Variants in NAV1 observed in about 807,000 individuals in gnomAD.
NAV1 encodes the protein neuron navigator 1.
NAV1 carries 18 observed loss-of-function variants against 175.2 expected under a neutral mutation model. That is an observed-to-expected ratio of 0.10 (90% CI 0.07 to 0.15). The LOEUF (loss-of-function observed/expected upper bound fraction) is 0.15, where lower values mean the gene tolerates loss of function less well. Ranked by LOEUF, NAV1 falls within the 10% of genes least tolerant of loss-of-function variation. The pLI is 1.00. For synonymous variants in NAV1, 897 were observed against 978.7 expected (o/e 0.92, Z 1.56); for missense variants, 1,731 against 2,436.6 (o/e 0.71, Z 6.10).
intron 3 of NAV1, among the ~76,000 whole-genome samples, chr1:201,770,127 G>T (rs1675478897): frequency 6.6e-6 from 1 of 152,214 alleles, no homozygotes; most frequent in Non-Finnish European, 1.5e-5. Context: ...GGAGCAGACG[G>T]TGTGAGAGAA....
chr1:201,652,957 A>G (rs144826888), intron 1 of NAV1, among the ~76,000 whole-genome samples: 3 of 152,328 alleles, frequency 2.0e-5, no homozygotes, highest in African/African-American at 7.2e-5. Flanking sequence ...ATATTCACCT[A>G]CAGTTAAGCA....
At chr1:201,658,767 G>A (rs1471626779) in intron 1 of NAV1, among the ~76,000 whole-genome samples, 1 of 152,198 alleles carries the variant, frequency 6.6e-6, no homozygotes, top group African/African-American at 2.4e-5. Context: ...GCCAGCCAGG[G>A]CCTCTCAAGT....
intron 2 of NAV1, among the ~76,000 whole-genome samples, chr1:201,604,417 G>A (rs1283166427): frequency 2.6e-5 from 4 of 152,098 alleles, no homozygotes; most frequent in South Asian, 2.1e-4. Flanking sequence ...AACGGCTCAC[G>A]CCTGTAATCC....
At chr1:201,775,292 C>T (rs1433633836) in intron 3 of NAV1, among the ~76,000 whole-genome samples, 6 of 152,166 alleles carry the variant, frequency 3.9e-5, no homozygotes, top group Non-Finnish European at 5.9e-5. Flanking sequence ...TAAAACTTTG[C>T]ATATTGAATG....
intron 1 of NAV1, among the ~76,000 whole-genome samples, chr1:201,707,706 C>G (rs1260882703): frequency 6.6e-6 from 1 of 152,208 alleles, no homozygotes; most frequent in East Asian, 1.9e-4. Flanking sequence ...ACAGTGCACC[C>G]TGGGCTGTCC....
chr1:201,810,915 C>G lies in NAV1; in HGVS notation c.4797+157C>G, dbSNP rs1041852929. Reference sequence around the variant, plus strand: ...TCATTTCCTTCCCTCTCTATCTATCCCCTTTTCCAGTCTTCTCCTTTCCCT... The same window carrying G: ...TCATTTCCTTCCCTCTCTATCTATCGCCTTTTCCAGTCTTCTCCTTTCCCT... On this transcript the variant is annotated intron_variant, in intron 24 of 29. Transcript: ENST00000367296. The surrounding 1 kb of genome is among the most constrained non-coding windows in gnomAD (Gnocchi z 6.0). 6.6e-6 allele frequency among the ~76,000 whole-genome samples: 1 copy of G among 152,066 alleles called. No homozygotes were observed. Among genetic ancestry groups the G allele is most frequent in the Non-Finnish European group, 1.5e-5 (1 of 68,016 alleles).
intron 1 of NAV1, among the ~76,000 whole-genome samples, chr1:201,653,734 C>T (rs538056307): frequency 3.3e-5 from 5 of 152,188 alleles, no homozygotes; most frequent in African/African-American, 1.2e-4. Flanking sequence ...AGAGTGAGGA[C>T]AAAGCTCACT....
intron 3 of NAV1, among the ~76,000 whole-genome samples, chr1:201,767,267 GT>G (rs1675265451): frequency 6.7e-6 from 1 of 148,574 alleles, no homozygotes; most frequent in Admixed American, 6.7e-5. Context: ...CCTGGCCAAT[GT>G]GGTGAAACCC....
chr1:201,755,447 GGAGGAGGAGGAGGAAGAAGAGAAA>G lies in NAV1; in HGVS notation c.1227-24965_1227-24942del, dbSNP rs538766680. Among the ~76,000 whole-genome samples the G allele has an allele frequency of 3.6e-4, 54 of 151,890 alleles. No homozygotes were observed. The East Asian group carries it at 0.01, about 29-fold the overall frequency. Reference sequence around the variant, plus strand: ...AAAAAAAAGAAGAAAGAGAAGAAGAGGAGGAGGAGGAGGAAGAAGAGAAAGAGGAGGAAGAGGAAGAAGATATAC... The same window carrying G: ...AAAAAAAAGAAGAAAGAGAAGAAGAGGAGGAGGAAGAGGAAGAAGATATAC... On this transcript the variant is annotated intron_variant, in intron 3 of 29. Transcript: ENST00000367296.
chr1:201,542,240 A>G (rs1039039907), intron 1 of NAV1, among the ~76,000 whole-genome samples: 3 of 152,102 alleles, frequency 2.0e-5, no homozygotes, highest in Non-Finnish European at 4.4e-5. Context: ...TTTCCATCTC[A>G]GCAGATGTTA....
At chr1:201,585,739 T>C (rs1385312740) in intron 1 of NAV1, among the ~76,000 whole-genome samples, 2 of 152,054 alleles carry the variant, frequency 1.3e-5, no homozygotes, top group Non-Finnish European at 2.9e-5. Context: ...TATTAAGAAA[T>C]GCAAATCAAA....
chr1:201,551,841 A>C (rs1571816524), intron 1 of NAV1, among the ~76,000 whole-genome samples: 1 of 151,304 alleles, frequency 6.6e-6, no homozygotes, highest in African/African-American at 2.4e-5. Flanking sequence ...ACCCATTAAA[A>C]CTCCTCTGCT....
At chr1:201,800,302 CTTTAT>C (rs1677769492) in intron 15 of NAV1, among the ~76,000 whole-genome samples, 1 of 152,192 alleles carries the variant, frequency 6.6e-6, no homozygotes. Context: ...CACCCAGCCC[CTTTAT>C]TTTATTTTTA....
chr1:201,800,686 AG>A (rs1407502454), intron 15 of NAV1, among the ~76,000 whole-genome samples: 1 of 152,230 alleles, frequency 6.6e-6, no homozygotes, highest in Non-Finnish European at 1.5e-5. Flanking sequence ...CCCAATCCGC[AG>A]AGGTAAGAAC....
At chr1:201,648,294 C>A (rs1275815485) in exon 1 of NAV1, 11 of 1,107,514 alleles carry the variant, frequency 9.9e-6, no homozygotes, top group Non-Finnish European at 1.2e-5. Flanking sequence ...ATCCGGACAC[C>A]AAAGCAAAAG....
At chr1:201,635,185 TCCA>T (rs1274121541) in intron 2 of NAV1, among the ~76,000 whole-genome samples, 3 of 150,632 alleles carry the variant, frequency 2.0e-5, no homozygotes, top group Non-Finnish European at 3.0e-5. Context: ...ACTACAGACG[TCCA>T]CCACCACACC....
Position 201,750,505 on chromosome 1 carries a change from C to T in NAV1, c.1227-29916C>T, listed in dbSNP as rs546911177. 1.3e-5 allele frequency among the ~76,000 whole-genome samples: 2 copies of T among 152,214 alleles called. No individual in the cohort carries two copies. Among genetic ancestry groups the T allele is most frequent in the South Asian group, 2.1e-4 (1 of 4,826 alleles). On this transcript the variant is annotated intron_variant, in intron 3 of 29. Transcript: ENST00000367296. This position sits in a 1 kb window ranked among gnomAD's most constrained non-coding sequence, Gnocchi z 4.1. ...GTTAAAATGTTAGTAAAAACGATTG[C>T]TCTTCTTAAAAAAGGGCTTGCAAGC...
At chr1:201,826,530 A>G (rs141511907) in exon 30 of NAV1, 3 of 152,216 alleles carry the variant, frequency 2.0e-5, no homozygotes, top group Non-Finnish European at 4.4e-5. Flanking sequence ...GTGTTTCTCA[A>G]ATGCATGGTG....
intron 1 of NAV1, among the ~76,000 whole-genome samples, chr1:201,697,832 C>A (rs185575710): frequency 3.9e-5 from 6 of 152,208 alleles, no homozygotes; most frequent in African/African-American, 1.4e-4. Flanking sequence ...GTGGAGCACC[C>A]ACTGTGTTTG....
Sources: gnomAD v4.1 joint callset for allele counts (sites outside exome capture counted in the v4.1 genomes callset) on GRCh38, gnomAD v4.1.1 for gene constraint, Gnocchi (gnomAD v3.1) non-coding constraint, MANE v1.5 for transcripts, NCBI Gene and HGNC (gene_info 2026-07-23, HGNC 2026-07-21) for gene names.